PXDNL: variants seen among roughly 807,000 people sequenced by gnomAD.
The protein encoded by PXDNL is peroxidasin like.
A neutral mutation model predicts 150.8 loss-of-function variants in PXDNL; 145 were observed. The ratio of observed to expected loss-of-function variants is 0.96; its 90% CI spans 0.84 to 1.10. The LOEUF (loss-of-function observed/expected upper bound fraction) is 1.10. PXDNL is among the 50% of genes least tolerant of loss of function. The pLI is 0.00. For synonymous variants in PXDNL, 757 were observed against 725.7 expected (o/e 1.04, Z -0.69); for missense variants, 2,087 against 1,873.9 (o/e 1.11, Z -2.10).
At chr8:51,635,213 G>A (rs1029918248) in intron 2 of PXDNL, among the ~76,000 whole-genome samples, 13 of 152,026 alleles carry the variant, frequency 8.6e-5, no homozygotes, top group African/African-American at 2.7e-4. Context: ...CAAAACTTAC[G>A]GGATGCAGTG....
chr8:51,360,812 G>A (rs1314281249), intron 19 of PXDNL, among the ~76,000 whole-genome samples: 1 of 152,218 alleles, frequency 6.6e-6, no homozygotes, highest in Non-Finnish European at 1.5e-5. Context: ...CAATCTGGCT[G>A]TTTCTGTACC....
intron 1 of PXDNL, among the ~76,000 whole-genome samples, chr8:51,747,695 G>A (rs2037000355): frequency 1.3e-5 from 2 of 152,206 alleles, no homozygotes; most frequent in African/African-American, 4.8e-5. Flanking sequence ...ACCTTGACAC[G>A]AGTTCAAGTA....
intron 1 of PXDNL, among the ~76,000 whole-genome samples, chr8:51,677,027 C>G (rs1044303856): frequency 2.0e-5 from 3 of 152,234 alleles, no homozygotes; most frequent in Non-Finnish European, 4.4e-5. Context: ...TAAGCCAAAA[C>G]AGTTCCAGTT....
intron 1 of PXDNL, among the ~76,000 whole-genome samples, chr8:51,753,558 A>C (rs2037068714): frequency 6.6e-6 from 1 of 152,242 alleles, no homozygotes; most frequent in Non-Finnish European, 1.5e-5. Flanking sequence ...ATCATCCTTA[A>C]ACAGGAACTC....
intron 1 of PXDNL, among the ~76,000 whole-genome samples, chr8:51,713,126 A>G (rs1256797694): frequency 6.6e-6 from 1 of 152,236 alleles, no homozygotes; most frequent in Non-Finnish European, 1.5e-5. Context: ...TTAATATGAA[A>G]AGCATTAACT....
intron 1 of PXDNL, among the ~76,000 whole-genome samples, chr8:51,656,031 A>G (rs767352770): frequency 6.6e-6 from 1 of 152,234 alleles, no homozygotes; most frequent in Non-Finnish European, 1.5e-5. Context: ...TAGAAGAAAG[A>G]TGAAGTTATT....
Position 51,578,022 on chromosome 8 carries a change from G to A in PXDNL, c.308+14605C>T, listed in dbSNP as rs561829372. 1.8e-3 allele frequency among the ~76,000 whole-genome samples: 221 copies of A among 121,940 alleles called. 9 individuals carry two copies. The highest frequency in any genetic ancestry group is 7.6e-3 in the African/African-American group (204 of 26,866). 80.0% of individuals were successfully genotyped at this position (121,940 alleles called of 152,430 possible). On this transcript the variant is annotated intron_variant, in intron 3 of 22. Transcript: ENST00000356297. ...AAGAGGAAGGAAGGAAGGAAGGAAGGAAGGAAGGAAGGAAGGAAGGAAGGA... is the reference window on the plus strand; with the variant it reads ...AAGAGGAAGGAAGGAAGGAAGGAAGAAAGGAAGGAAGGAAGGAAGGAAGGA...
At chr8:51,637,441 C>T (rs1388687565) in intron 2 of PXDNL, among the ~76,000 whole-genome samples, 2 of 151,952 alleles carry the variant, frequency 1.3e-5, no homozygotes, top group East Asian at 3.9e-4. Context: ...GCAAAGAAGC[C>T]AAAAACCTTG....
chr8:51,530,807 G>A (rs1317715980), intron 4 of PXDNL, among the ~76,000 whole-genome samples: 2 of 152,090 alleles, frequency 1.3e-5, no homozygotes, highest in African/African-American at 4.8e-5. Context: ...CCATTTCCCA[G>A]TAGCTACAAC....
At chr8:51,644,277 G>A (rs1320302097) in intron 2 of PXDNL, among the ~76,000 whole-genome samples, 1 of 139,496 alleles carries the variant, frequency 7.2e-6, no homozygotes, top group Non-Finnish European at 1.6e-5. Flanking sequence ...TCTGGGTGGA[G>A]ATCAGGGCAA....
intron 1 of PXDNL, among the ~76,000 whole-genome samples, chr8:51,750,089 T>G (rs1269969397): frequency 6.6e-6 from 1 of 152,208 alleles, no homozygotes; most frequent in Non-Finnish European, 1.5e-5. Context: ...TTTTATTTTT[T>G]TCCACATTTT....
chr8:51,668,174 C>CTTTTTTTT (rs1447281482), intron 1 of PXDNL, among the ~76,000 whole-genome samples: 2 of 21,738 alleles, frequency 9.2e-5, no homozygotes, highest in Non-Finnish European at 7.3e-5. Flanking sequence ...TTCTCGCTCT[C>CTTTTTTTT]TCTTTTTTTT....
chr8:51,802,993 T>C (rs2037636739), intron 1 of PXDNL, among the ~76,000 whole-genome samples: 1 of 152,222 alleles, frequency 6.6e-6, no homozygotes, highest in Admixed American at 6.5e-5. Context: ...AAGGAATACA[T>C]TTACAAAATA....
chr8:51,735,028 C>T (rs1188303843), intron 1 of PXDNL, among the ~76,000 whole-genome samples: 1 of 152,006 alleles, frequency 6.6e-6, no homozygotes, highest in East Asian at 1.9e-4. Flanking sequence ...TTGAAAATTG[C>T]TAAGAGAGTA....
chr8:51,567,842 A>C (rs2130581790), intron 3 of PXDNL, among the ~76,000 whole-genome samples: 1 of 151,884 alleles, frequency 6.6e-6, no homozygotes, highest in African/African-American at 2.4e-5. Context: ...ACCCCAAATT[A>C]TCTCTAAATT....
At chr8:51,760,108 T>A (rs2037145544) in intron 1 of PXDNL, among the ~76,000 whole-genome samples, 1 of 152,362 alleles carries the variant, frequency 6.6e-6, no homozygotes, top group South Asian at 2.1e-4. Flanking sequence ...TATTTTCATA[T>A]GTTAAAACTC....
intron 4 of PXDNL, among the ~76,000 whole-genome samples, chr8:51,506,488 C>T (rs1811292856): frequency 7.5e-6 from 1 of 133,480 alleles, no homozygotes; most frequent in Admixed American, 8.6e-5. Flanking sequence ...TTGCAGTGAG[C>T]CGAGATCGCA....
At chr8:51,619,385 C>T (rs78636756) in intron 2 of PXDNL, among the ~76,000 whole-genome samples, 1,664 of 152,304 alleles carry the variant, frequency 0.011, 30 homozygotes, top group African/African-American at 0.038. Context: ...GAGAAAGGAA[C>T]GCTGCATGAA....
chr8:51,711,199 G>A (rs987357725), intron 1 of PXDNL, among the ~76,000 whole-genome samples: 2 of 152,160 alleles, frequency 1.3e-5, no homozygotes, highest in African/African-American at 4.8e-5. Context: ...GGAGTGCAAT[G>A]GTGCAATCTT....
Sources: gnomAD v4.1 joint callset for allele counts (sites outside exome capture counted in the v4.1 genomes callset) on GRCh38, gnomAD v4.1.1 for gene constraint, MANE v1.5 for transcripts, NCBI Gene and HGNC (gene_info 2026-07-23, HGNC 2026-07-21) for gene names.